Variants in BBS9 observed in about 807,000 individuals in gnomAD.
BBS9 encodes the protein Bardet-Biedl syndrome 9.
A neutral mutation model predicts 117.7 loss-of-function variants in BBS9; 89 were observed. That is an observed-to-expected ratio of 0.76 (90% confidence interval 0.64 to 0.90). The LOEUF (loss-of-function observed/expected upper bound fraction) is 0.90. Among genes scored for constraint, BBS9 ranks in the 40% least tolerant of loss-of-function variants. The pLI is 0.00. For synonymous variants in BBS9, 379 were observed against 370.9 expected, an observed-to-expected ratio of 1.02 and a Z score of -0.25; for missense variants, 982 against 1,042.2, an observed-to-expected ratio of 0.94 and a Z score of 0.80.
At chr7:33,547,287 A>G (rs1171478008) in intron 21 of BBS9, among the ~76,000 whole-genome samples, 1 of 152,208 alleles carries the variant, frequency 6.6e-6, no homozygotes, top group East Asian at 1.9e-4. Flanking sequence ...TAAATGGAAG[A>G]AAAAGTAGGC....
At chr7:33,505,320 T>C in intron 19 of BBS9, 143 bp from the exon 20 acceptor site, 6 of 857,754 alleles carry the variant, frequency 7.0e-6, no homozygotes, top group Non-Finnish European at 1.2e-5. Flanking sequence ...TGATAACTCT[T>C]TTATTACTTA....
At chr7:33,246,275 G>A (rs779864522) in intron 5 of BBS9, among the ~76,000 whole-genome samples, 7 of 150,184 alleles carry the variant, frequency 4.7e-5, no homozygotes, top group Non-Finnish European at 1.0e-4. Flanking sequence ...AAACTCAGCT[G>A]ATAATTTCCT....
At chr7:33,254,692 C>T (rs1796745863) in intron 5 of BBS9, among the ~76,000 whole-genome samples, 1 of 152,144 alleles carries the variant, frequency 6.6e-6, no homozygotes. Flanking sequence ...GGTAAGCACC[C>T]TGCTACTCTC....
At chr7:33,337,653 T>C (rs1478651142) in intron 10 of BBS9, among the ~76,000 whole-genome samples, 1 of 152,158 alleles carries the variant, frequency 6.6e-6, no homozygotes, top group Admixed American at 6.5e-5. Context: ...CTCCAATTAC[T>C]TAAAAATCTA....
intron 12 of BBS9, among the ~76,000 whole-genome samples, chr7:33,348,336 ATT>A (rs1234521007): frequency 1.3e-5 from 2 of 152,138 alleles, no homozygotes; most frequent in African/African-American, 4.8e-5. Flanking sequence ...ATGCACATAA[ATT>A]TGTTAGCATG....
intron 19 of BBS9, chr7:33,390,659 G>T (rs3779239): frequency 1.1e-6 from 1 of 922,042 alleles, no homozygotes; most frequent in Non-Finnish European, 1.3e-6. Flanking sequence ...CGTTTAGTCA[G>T]TTTTTTAATG....
intron 19 of BBS9, among the ~76,000 whole-genome samples, chr7:33,410,498 A>C (rs978678479): frequency 6.6e-6 from 1 of 151,622 alleles, no homozygotes; most frequent in Non-Finnish European, 1.5e-5. Context: ...CCTCTCTGTC[A>C]CTCTCCCAGG....
chr7:33,281,540 A>G (rs891974578), intron 9 of BBS9, among the ~76,000 whole-genome samples: 2 of 151,486 alleles, frequency 1.3e-5, no homozygotes, highest in Non-Finnish European at 2.9e-5. Context: ...CACTCAGTTA[A>G]TTAAAAATTC....
intron 17 of BBS9, among the ~76,000 whole-genome samples, chr7:33,377,057 C>T (rs896615309): frequency 6.6e-6 from 1 of 152,102 alleles, no homozygotes; most frequent in Non-Finnish European, 1.5e-5. Flanking sequence ...TTAATTAGAT[C>T]CCATTTGTCA....
chr7:33,499,015 C>T (rs571765635), intron 19 of BBS9, among the ~76,000 whole-genome samples: 5 of 152,260 alleles, frequency 3.3e-5, no homozygotes, highest in South Asian at 2.1e-4. Flanking sequence ...CACATCCTTG[C>T]CAGCACTTGT....
At chr7:33,196,272 C>A (rs1263111238) in intron 5 of BBS9, among the ~76,000 whole-genome samples, 4 of 152,060 alleles carry the variant, frequency 2.6e-5, no homozygotes, top group Non-Finnish European at 5.9e-5. Flanking sequence ...ATAATCAGAT[C>A]CTCAGCCTTC....
At chr7:33,363,875 G>A (rs980454207) in intron 16 of BBS9, among the ~76,000 whole-genome samples, 2 of 151,648 alleles carry the variant, frequency 1.3e-5, no homozygotes, top group African/African-American at 2.4e-5. Context: ...TAGCCCAACC[G>A]TGCATTCTTG....
intron 19 of BBS9, among the ~76,000 whole-genome samples, chr7:33,390,815 C>G (rs1396255603): frequency 6.6e-6 from 1 of 152,028 alleles, no homozygotes; most frequent in South Asian, 2.1e-4. Flanking sequence ...CTTTTTTTGG[C>G]ACATAGAAAT....
chr7:33,272,650 A>G (rs895329490), intron 7 of BBS9, among the ~76,000 whole-genome samples: 5 of 152,130 alleles, frequency 3.3e-5, no homozygotes, highest in Non-Finnish European at 5.9e-5. Context: ...TAGTTGCCCT[A>G]TAAAAACACA....
chr7:33,503,753 AAG>A (rs954084892), intron 19 of BBS9, among the ~76,000 whole-genome samples: 1 of 152,040 alleles, frequency 6.6e-6, no homozygotes, highest in African/African-American at 2.4e-5. Flanking sequence ...CAGGAAGAAA[AAG>A]AGTATAAACT....
intron 19 of BBS9, among the ~76,000 whole-genome samples, chr7:33,413,747 C>A (rs993002368): frequency 1.3e-5 from 2 of 152,120 alleles, no homozygotes; most frequent in Non-Finnish European, 2.9e-5. Flanking sequence ...CCAGGCCGGG[C>A]GCAGTGGCTC....
intron 19 of BBS9, among the ~76,000 whole-genome samples, chr7:33,414,911 T>C (rs1038805882): frequency 4.6e-5 from 7 of 152,200 alleles, no homozygotes; most frequent in African/African-American, 1.7e-4. Context: ...GGAAAAATTA[T>C]AATAACTAGG....
At chr7:33,397,547 G>T (rs962448166) in intron 19 of BBS9, among the ~76,000 whole-genome samples, 9 of 152,006 alleles carry the variant, frequency 5.9e-5, no homozygotes, top group African/African-American at 2.2e-4. Context: ...GTTCACAATA[G>T]CAAAAACATG....
intron 9 of BBS9, among the ~76,000 whole-genome samples, chr7:33,283,337 G>C (rs1265837777): frequency 6.6e-6 from 1 of 151,892 alleles, no homozygotes; most frequent in East Asian, 1.9e-4. Flanking sequence ...TTTTCTGTCT[G>C]GATGCTCGTC....
Sources: allele counts gnomAD v4.1 joint callset (sites outside exome capture counted in the v4.1 genomes callset), GRCh38; gene constraint gnomAD v4.1.1; transcripts MANE v1.5; gene names NCBI Gene and HGNC (gene_info 2026-07-23, HGNC 2026-07-21).